The following UTRN variants were observed in gnomAD, a reference collection of about 807,000 sequenced individuals.
UTRN encodes the protein utrophin.
A neutral mutation model predicts 463.9 loss-of-function variants in UTRN; 283 were observed. The observed-to-expected ratio is 0.61, with a 90% CI of 0.55 to 0.67. The LOEUF (loss-of-function observed/expected upper bound fraction) is 0.67, where lower values mean the gene tolerates loss of function less well. Among genes scored for constraint, UTRN ranks in the 30% least tolerant of loss-of-function variants. UTRN has a pLI of 0.00. For missense variants in UTRN, 3,922 were observed against 4,084.3 expected (o/e 0.96, Z 1.08); for synonymous variants, 1,442 against 1,431.5 (o/e 1.01, Z -0.17).
intron 2 of UTRN, among the ~76,000 whole-genome samples, chr6:144,367,818 T>G (rs1459810701): frequency 6.6e-6 from 1 of 152,000 alleles, no homozygotes; most frequent in East Asian, 1.9e-4. Flanking sequence ...GTTTCACTCT[T>G]TTGCCCAGGC....
At chr6:144,797,287 C>G (rs568694622) in intron 63 of UTRN, among the ~76,000 whole-genome samples, 3 of 151,652 alleles carry the variant, frequency 2.0e-5, no homozygotes, top group Non-Finnish European at 2.9e-5. Context: ...CTCCCAGGTT[C>G]AAGCGATTCT....
intron 49 of UTRN, among the ~76,000 whole-genome samples, chr6:144,555,756 G>T (rs1799324812): frequency 6.6e-6 from 1 of 152,156 alleles, no homozygotes; most frequent in Non-Finnish European, 1.5e-5. Flanking sequence ...CAGCACAGGG[G>T]AAATTCATCC....
At chr6:144,360,016 CTCTTT>C (rs942993965) in intron 2 of UTRN, among the ~76,000 whole-genome samples, 1 of 150,198 alleles carries the variant, frequency 6.7e-6, no homozygotes, top group Non-Finnish European at 1.5e-5. Flanking sequence ...CCTTTTATTT[CTCTTT>C]TCTTTTCTTT....
In UTRN at chr6:144,514,653, T is replaced by G; in HGVS notation, c.5077T>G (p.Leu1693Val). ...TSKQEEIVKRLVSELDDANLQ... is the reference protein window; with the variant it reads ...TSKQEEIVKRVVSELDDANLQ... ...TTTTGTGTTTTCTTATAATTAGCGTTTAGTATCTGAGCTGGATGATGCCAA... is the reference window on the plus strand; with the variant it reads ...TTTTGTGTTTTCTTATAATTAGCGTGTAGTATCTGAGCTGGATGATGCCAA... Residue 1693 changes from leucine (L) to valine (V), a missense_variant, in exon 37 of 75, where the codon TTA (leucine) becomes GTA (valine). Leu to Val is a conservative substitution (Grantham distance 32). Coordinates refer to ENST00000367545, the MANE Select transcript of UTRN (RefSeq NM_007124.3). The G allele has an allele frequency of 6.2e-7, 1 of 1,611,400 alleles. No homozygotes were observed. Among genetic ancestry groups the G allele is most frequent in the Non-Finnish European group, 8.5e-7 (1 of 1,179,346 alleles).
chr6:144,584,402 G>A lies in UTRN; in HGVS notation c.7479+7114G>A, dbSNP rs991493533. Among the ~76,000 whole-genome samples the A allele has an allele frequency of 5.9e-5, 9 of 152,124 alleles. No individual in the cohort carries two copies. The South Asian group carries it at 6.2e-4, about 11-fold the overall frequency. ...TTATAATAGCAATTTTTACACTACC[G>A]CAGTACTATATTCCTCCTTCCTATC... is the stretch of plus-strand genomic sequence containing the variant. On this transcript the variant is annotated intron_variant, in intron 51 of 74. Transcript: ENST00000367545.
chr6:144,578,097 G>C (rs1286848974), intron 51 of UTRN, among the ~76,000 whole-genome samples: 1 of 152,022 alleles, frequency 6.6e-6, no homozygotes, highest in African/African-American at 2.4e-5. Flanking sequence ...CAGCTACTTG[G>C]GAGGCTGAAG....
intron 51 of UTRN, among the ~76,000 whole-genome samples, chr6:144,615,384 G>A (rs890579823): frequency 9.2e-5 from 14 of 152,026 alleles, no homozygotes; most frequent in African/African-American, 2.7e-4. Context: ...GTTTTCTTTA[G>A]GAGTCCACTT....
At chr6:144,572,474 C>T (rs1801033168) in intron 50 of UTRN, among the ~76,000 whole-genome samples, 1 of 152,002 alleles carries the variant, frequency 6.6e-6, no homozygotes, top group Non-Finnish European at 1.5e-5. Flanking sequence ...TGGTTTGCTG[C>T]ACCTATCAAC....
At chr6:144,584,760 A>G (rs989988961) in intron 51 of UTRN, among the ~76,000 whole-genome samples, 1 of 152,054 alleles carries the variant, frequency 6.6e-6, no homozygotes, top group Non-Finnish European at 1.5e-5. Context: ...TTTTATTTGC[A>G]TAAGAAGTTA....
chr6:144,805,338 T>G (rs1778053714), intron 65 of UTRN, among the ~76,000 whole-genome samples: 1 of 152,128 alleles, frequency 6.6e-6, no homozygotes, highest in Non-Finnish European at 1.5e-5. Flanking sequence ...GTAAGTGCCT[T>G]TAAGGAAATG....
At chr6:144,545,791 G>A (rs1055500084) in intron 46 of UTRN, among the ~76,000 whole-genome samples, 3 of 152,270 alleles carry the variant, frequency 2.0e-5, no homozygotes, top group Middle Eastern at 3.4e-3. Context: ...AGGCCAAGGC[G>A]GGTGGATCAC....
chr6:144,684,215 T>C (rs1043830717), intron 52 of UTRN, among the ~76,000 whole-genome samples: 2 of 151,670 alleles, frequency 1.3e-5, no homozygotes, highest in East Asian at 3.9e-4. Flanking sequence ...ACACCCAACT[T>C]ATTTTTGTAT....
chr6:144,567,460 A>G (rs1800510325), intron 50 of UTRN, among the ~76,000 whole-genome samples: 1 of 152,170 alleles, frequency 6.6e-6, no homozygotes, highest in Non-Finnish European at 1.5e-5. Context: ...TTATTTCCTG[A>G]CAATCACAGC....
At chr6:144,651,329 G>A (rs556024157) in intron 51 of UTRN, among the ~76,000 whole-genome samples, 9 of 152,176 alleles carry the variant, frequency 5.9e-5, no homozygotes, top group African/African-American at 1.9e-4. Context: ...AAACAAATGC[G>A]CAATTATATA....
chr6:144,450,129 G>A (rs111405945), intron 17 of UTRN, among the ~76,000 whole-genome samples: 9,801 of 152,024 alleles, frequency 0.064, 424 homozygotes, highest in Admixed American at 0.14. Context: ...TGTGACTCCC[G>A]TTGCTTTCAC....
In UTRN at chr6:144,635,513, TCTTTTTTTTTTTTTTTCTTTTC is replaced by T. The variant is rs1777034630; in HGVS notation, c.7480-42892_7480-42871del. ...TTACTTAGCAGCTAGCCTTTTTTTT[TCTTTTTTTTTTTTTTTCTTTTC>T]TTTTTTTTTTTTTTTTTTTTTTGAG... On this transcript the variant is annotated intron_variant, in intron 51 of 74. Transcript: ENST00000367545. 2.3e-3 allele frequency among the ~76,000 whole-genome samples: 166 copies of T among 72,606 alleles called. 4 individuals are homozygous for T. Among genetic ancestry groups the T allele is most frequent in the African/African-American group, 7.1e-3 (144 of 20,274 alleles). 47.6% of individuals were successfully genotyped at this position (72,606 alleles called of 152,430 possible).
chr6:144,418,502 C>T (rs574698022), intron 3 of UTRN, among the ~76,000 whole-genome samples: 8 of 151,800 alleles, frequency 5.3e-5, no homozygotes, highest in East Asian at 1.9e-4. Flanking sequence ...GGATTACAGG[C>T]GTGAGCCATC....
intron 66 of UTRN, among the ~76,000 whole-genome samples, chr6:144,822,352 T>A (rs1779675927): frequency 1.3e-5 from 2 of 152,092 alleles, no homozygotes; most frequent in South Asian, 4.1e-4. Flanking sequence ...ATGTCGTGTG[T>A]GTGTAAACAG....
intron 73 of UTRN, 78 bp from the exon 74 acceptor site, chr6:144,846,727 G>A (rs374576996): frequency 4.2e-5 from 67 of 1,588,620 alleles, no homozygotes; most frequent in Non-Finnish European, 5.4e-5. Flanking sequence ...TACTTTCCAC[G>A]CATTTGCATG....
Sources: gnomAD v4.1 joint callset for allele counts (sites outside exome capture counted in the v4.1 genomes callset) on GRCh38, gnomAD v4.1.1 for gene constraint, MANE v1.5 for transcripts, NCBI Gene and HGNC (gene_info 2026-07-23, HGNC 2026-07-21) for gene names.